EPM2A: variants seen among roughly 807,000 people sequenced by gnomAD.
EPM2A encodes EPM2A glucan phosphatase, laforin, also known as laforin.
Under a neutral mutation model 26.5 loss-of-function variants are expected in EPM2A, and 21 were observed. The observed-to-expected ratio is 0.79, with a 90% CI of 0.56 to 1.14. The LOEUF (loss-of-function observed/expected upper bound fraction) is 1.14, where lower values mean the gene tolerates loss of function less well. Ranked by LOEUF, EPM2A falls within the 50% of genes most tolerant of loss-of-function variation. EPM2A has a pLI of 0.00. For synonymous variants in EPM2A, 217 were observed against 177.6 expected (o/e 1.22, Z -1.76); for missense variants, 458 against 440.8 (o/e 1.04, Z -0.35).
chr6:145,557,887 G>A (rs978449463), intron 2 of EPM2A, among the ~76,000 whole-genome samples: 3 of 151,906 alleles, frequency 2.0e-5, no homozygotes, highest in Non-Finnish European at 4.4e-5. Context: ...TCCCCAAACC[G>A]TCCTTGCCTC....
In EPM2A at chr6:145,627,284, T is replaced by A; in HGVS notation, c.*132A>T. 2 of 1,567,188 alleles carry A rather than the reference T, an allele frequency of 1.3e-6. No individual in the cohort carries two copies. Among genetic ancestry groups the A allele is most frequent in the Non-Finnish European group, 1.7e-6 (2 of 1,165,798 alleles). On this transcript the variant is annotated 3_prime_UTR_variant, in exon 4 of 4. Transcript: ENST00000367519. ...AAGCATAATCGAAAGTCATCCCAGGTGAAAGTGGTTGGCTTGGGGGAGGTC... is the reference window on the plus strand; with the variant it reads ...AAGCATAATCGAAAGTCATCCCAGGAGAAAGTGGTTGGCTTGGGGGAGGTC...
chr6:145,627,209 T>C lies in EPM2A; in HGVS notation c.*207A>G. ...ACTGCTTCGTGCTTCTTCTCATGTG[T>C]TGAGCCACAGCTTTCTTGTAGAGTA... is the stretch of plus-strand genomic sequence containing the variant. On this transcript the variant is annotated 3_prime_UTR_variant, in exon 4 of 4. Coordinates refer to ENST00000367519, the MANE Select transcript of EPM2A (RefSeq NM_005670.4). 1 of 1,447,592 alleles carries C rather than the reference T, an allele frequency of 6.9e-7. No individual in the cohort carries two copies. The highest frequency in any genetic ancestry group is 9.0e-7 in the Non-Finnish European group (1 of 1,106,748). The allele number at this position is 1,447,592 out of a possible 1,614,324, so 89.7% of individuals were successfully genotyped here. A position where few individuals can be genotyped will look rare whatever the true frequency, so the allele number is the denominator to read the frequency against.
chr6:145,504,212 A>G (rs1448332459), intron 2 of EPM2A, among the ~76,000 whole-genome samples: 2 of 128,646 alleles, frequency 1.6e-5, no homozygotes, highest in African/African-American at 5.7e-5. Flanking sequence ...AAACACCAAA[A>G]GCAATGGCAA....
intron 4 of EPM2A, among the ~76,000 whole-genome samples, chr6:145,449,821 G>C (rs1779173271): frequency 6.6e-6 from 1 of 151,538 alleles, no homozygotes; most frequent in South Asian, 2.1e-4. Flanking sequence ...TTATTTCTAA[G>C]AGAGAAAAAG....
intron 2 of EPM2A, among the ~76,000 whole-genome samples, chr6:145,619,058 T>C (rs1198078632): frequency 6.6e-6 from 1 of 151,766 alleles, no homozygotes; most frequent in Non-Finnish European, 1.5e-5. Context: ...GGGTGGTAAA[T>C]GGAGGAGAGA....
At chr6:145,470,355 T>A (rs1199559999) in intron 4 of EPM2A, among the ~76,000 whole-genome samples, 1 of 152,146 alleles carries the variant, frequency 6.6e-6, no homozygotes, top group Non-Finnish European at 1.5e-5. Flanking sequence ...AAAGAATATC[T>A]ATGTTATGAG....
intron 4 of EPM2A, among the ~76,000 whole-genome samples, chr6:145,476,791 C>T (rs2114730000): frequency 6.6e-6 from 1 of 151,966 alleles, no homozygotes; most frequent in East Asian, 1.9e-4. Flanking sequence ...CTGTGGGATA[C>T]AGCCAAAGCA....
chr6:145,717,116 A>T (rs1307984780), intron 1 of EPM2A, among the ~76,000 whole-genome samples: 1 of 152,190 alleles, frequency 6.6e-6, no homozygotes, highest in Non-Finnish European at 1.5e-5. Context: ...AACTCATTTT[A>T]TGAGGCCAGC....
intron 2 of EPM2A, among the ~76,000 whole-genome samples, chr6:145,552,038 C>T (rs1249516880): frequency 2.0e-5 from 3 of 151,598 alleles, no homozygotes; most frequent in African/African-American, 7.3e-5. Flanking sequence ...CCTATGAATA[C>T]AGAATCAGAT....
At position 145,397,011 on chromosome 6, in the gene EPM2A, T is replaced by C. The variant is rs1856263; in HGVS notation, c.556-12914A>G. 2.0e-5 allele frequency among the ~76,000 whole-genome samples: 3 copies of C among 152,050 alleles called. No homozygotes were observed. The East Asian group carries it at 5.8e-4, about 29-fold the overall frequency. ...CCTCTGGGCTAGTTGAGCAGACTGA[T>C]GAAATCATTAAAAACCATCTGGCAA... On this transcript the variant is annotated intron_variant, in intron 4 of 4. Coordinates refer to the EPM2A transcript ENST00000638717.
downstream of EPM2A, among the ~76,000 whole-genome samples, chr6:145,621,884 G>T (rs555859141): frequency 1.5e-4 from 23 of 152,264 alleles, no homozygotes; most frequent in South Asian, 4.8e-3. Flanking sequence ...ATTCCATTGT[G>T]TAGGTTGCCT....
At chr6:145,477,211 C>A (rs560464201) in intron 4 of EPM2A, among the ~76,000 whole-genome samples, 1 of 151,866 alleles carries the variant, frequency 6.6e-6, no homozygotes, top group East Asian at 1.9e-4. Context: ...ATATATGCAA[C>A]CTACCAAGAT....
chr6:145,691,273 G>A (rs144000428), intron 1 of EPM2A, among the ~76,000 whole-genome samples: 279 of 152,070 alleles, frequency 1.8e-3, no homozygotes, highest in African/African-American at 6.1e-3. Context: ...AAACAGCAAT[G>A]TAAAGGAAAA....
At position 145,526,522 on chromosome 6, in the gene EPM2A, G is replaced by C. The variant is rs541077754; in HGVS notation, c.341-23947C>G. Reference sequence around the variant, plus strand: ...CAATTTCTCCCCCATTCAGTCTGGGGTGGGTGTCTGTTTCTGGGAATTTGC... The same window carrying C: ...CAATTTCTCCCCCATTCAGTCTGGGCTGGGTGTCTGTTTCTGGGAATTTGC... On this transcript the variant is annotated intron_variant, in intron 2 of 3. Coordinates refer to the EPM2A transcript ENST00000450221. Among the ~76,000 whole-genome samples the C allele has an allele frequency of 1.1e-4, 17 of 152,018 alleles. No homozygotes were observed. In the South Asian group the frequency reaches 3.3e-3, roughly 30 times the overall value.
intron 4 of EPM2A, among the ~76,000 whole-genome samples, chr6:145,393,263 A>G (rs1311244844): frequency 6.6e-6 from 1 of 152,018 alleles, no homozygotes; most frequent in Non-Finnish European, 1.5e-5. Flanking sequence ...AAACTGCAAA[A>G]CTCATGGCCC....
At chr6:145,535,653 G>A (rs564329270) in intron 2 of EPM2A, among the ~76,000 whole-genome samples, 1 of 152,298 alleles carries the variant, frequency 6.6e-6, no homozygotes, top group South Asian at 2.1e-4. Flanking sequence ...AAGAAAAATA[G>A]CTCAATTAGC....
chr6:145,715,676 C>G (rs1440438037), intron 1 of EPM2A, among the ~76,000 whole-genome samples: 3 of 152,118 alleles, frequency 2.0e-5, no homozygotes, highest in Non-Finnish European at 4.4e-5. Flanking sequence ...CCTGTCAGAT[C>G]AGCAGCACAG....
intron 2 of EPM2A, among the ~76,000 whole-genome samples, chr6:145,667,768 T>G (rs1189251845): frequency 7.5e-6 from 1 of 132,828 alleles, no homozygotes; most frequent in Non-Finnish European, 1.6e-5. Flanking sequence ...CCAACCCAAA[T>G]GTCCAACAAT....
chr6:145,607,587 A>T (rs1369919855), intron 2 of EPM2A, among the ~76,000 whole-genome samples: 10 of 152,184 alleles, frequency 6.6e-5, no homozygotes. Flanking sequence ...GAAGTCAAGG[A>T]GTCTGGGAAA....
Sources: allele counts gnomAD v4.1 joint callset (sites outside exome capture counted in the v4.1 genomes callset), GRCh38; gene constraint gnomAD v4.1.1; transcripts MANE v1.5; gene names NCBI Gene and HGNC (gene_info 2026-07-23, HGNC 2026-07-21).